The following NCOA1 variants were observed in gnomAD, a reference collection of about 807,000 sequenced individuals.
NCOA1 encodes Hin-2 protein.
In NCOA1, 35 loss-of-function variants were observed where a neutral mutation model predicts 150.9. That is an observed-to-expected ratio of 0.23 (90% confidence interval 0.18 to 0.31). NCOA1 has a LOEUF of 0.31. Ranked by LOEUF, NCOA1 falls within the 10% of genes least tolerant of loss-of-function variation. NCOA1 has a pLI of 1.00. For missense variants in NCOA1, 1,491 were observed against 1,749.3 expected, an observed-to-expected ratio of 0.85 and a Z score of 2.63; for synonymous variants, 590 against 630.0, an observed-to-expected ratio of 0.94 and a Z score of 0.95.
intron 1 of NCOA1, among the ~76,000 whole-genome samples, chr2:24,514,285 CAAAAAAAAA>C (rs57412614): frequency 9.1e-5 from 3 of 32,958 alleles, no homozygotes; most frequent in Admixed American, 3.7e-4. Context: ...GACTCTGTCT[CAAAAAAAAA>C]AAAAAAAAAA....
chr2:24,754,263 G>A (rs1296862158), intron 20 of NCOA1, among the ~76,000 whole-genome samples: 1 of 152,142 alleles, frequency 6.6e-6, no homozygotes, highest in Non-Finnish European at 1.5e-5. Flanking sequence ...ATGAGGCAGA[G>A]TATGTCCGTC....
At chr2:24,536,236 T>C (rs1269384459) in intron 1 of NCOA1, among the ~76,000 whole-genome samples, 1 of 152,358 alleles carries the variant, frequency 6.6e-6, no homozygotes. Flanking sequence ...TTCCACTTGA[T>C]TGAATCGGTT....
intron 11 of NCOA1, among the ~76,000 whole-genome samples, chr2:24,702,066 G>A (rs1274720031): frequency 1.3e-5 from 2 of 152,198 alleles, no homozygotes; most frequent in African/African-American, 4.8e-5. Context: ...ATGGTATTAA[G>A]TTTGGAAGCA....
intron 2 of NCOA1, among the ~76,000 whole-genome samples, chr2:24,583,703 A>G (rs1478642686): frequency 2.6e-5 from 4 of 152,224 alleles, no homozygotes; most frequent in Non-Finnish European, 5.9e-5. Flanking sequence ...ATGGAATACT[A>G]TTCAGCCATA....
At chr2:24,721,895 GA>G (rs1401324449) in intron 14 of NCOA1, among the ~76,000 whole-genome samples, 1 of 152,174 alleles carries the variant, frequency 6.6e-6, no homozygotes, top group Non-Finnish European at 1.5e-5. Flanking sequence ...TTGTCTTTCA[GA>G]AATTCTTCGT....
At chr2:24,738,627 C>G (rs560587093) in intron 17 of NCOA1, among the ~76,000 whole-genome samples, 10 of 152,144 alleles carry the variant, frequency 6.6e-5, no homozygotes, top group African/African-American at 2.4e-4. Flanking sequence ...ATAGTATATC[C>G]CTTCTTGGCG....
chr2:24,679,295 G>A (rs1015490850), intron 7 of NCOA1, among the ~76,000 whole-genome samples: 3 of 152,184 alleles, frequency 2.0e-5, no homozygotes, highest in Non-Finnish European at 4.4e-5. Context: ...ACACTTTGAA[G>A]TTAATTAGAT....
rs1355454801 is a variant in NCOA1, at chr2:24,741,934, G to A, written c.3454G>A (p.Val1152Ile). 1 of 1,614,206 alleles carries A rather than the reference G, an allele frequency of 6.2e-7. No homozygotes were observed. Among genetic ancestry groups the A allele is most frequent in the Non-Finnish European group, 8.5e-7 (1 of 1,180,040 alleles). Residue 1152 changes from valine (V) to isoleucine (I), a missense_variant, in exon 19 of 23, where the codon GTT (valine) becomes ATT (isoleucine). By Grantham distance (29) the Val-to-Ile change is conservative. Coordinates refer to ENST00000348332, the MANE Select transcript of NCOA1 (RefSeq NM_003743.5). ...CCTCCCTCCCTCATCTGGACTACCA[G>A]TTCAAATGGGGAACCCCCGTCTTCC... Reference protein sequence around the residue: ...NNLPPSSGLPVQMGNPRLPQG... With the variant: ...NNLPPSSGLPIQMGNPRLPQG...
intron 20 of NCOA1, among the ~76,000 whole-genome samples, chr2:24,752,408 T>C (rs1055970561): frequency 6.6e-6 from 1 of 152,236 alleles, no homozygotes; most frequent in Non-Finnish European, 1.5e-5. Context: ...TAGAAGATTA[T>C]TGGCTACTTC....
At position 24,769,552 on chromosome 2, in the gene NCOA1, A is replaced by T. The variant is rs1046280674; in HGVS notation, c.*1161A>T. On this transcript the variant is annotated 3_prime_UTR_variant, in exon 23 of 23. Coordinates refer to ENST00000348332, the MANE Select transcript of NCOA1 (RefSeq NM_003743.5). ...CCTGGGATCATCTGAACAGAAGTGC[A>T]CAGGCTACTTGTACAGAGAAAAAAT... 2 of 202,728 alleles carry T rather than the reference A, an allele frequency of 9.9e-6. No individual in the cohort carries two copies. Among genetic ancestry groups the T allele is most frequent in the Admixed American group, 6.0e-5 (1 of 16,720 alleles). 12.6% of individuals were successfully genotyped at this position (202,728 alleles called of 1,614,324 possible). A position where few individuals can be genotyped will look rare whatever the true frequency, so the allele number is the denominator to read the frequency against.
At chr2:24,594,678 A>G (rs898543950) in intron 3 of NCOA1, among the ~76,000 whole-genome samples, 1 of 152,134 alleles carries the variant, frequency 6.6e-6, no homozygotes, top group Non-Finnish European at 1.5e-5. Context: ...TGTAATTGTT[A>G]CTTCTTTCCT....
Position 24,577,567 on chromosome 2 carries a change from T to C in NCOA1, c.-259-6909T>C, listed in dbSNP as rs553373277. ...TATAATTTTGAGTCATATGGAAATG[T>C]GTAGAATTTAACTGCTTTTCTTTTT... On this transcript the variant is annotated intron_variant, in intron 2 of 22. Transcript: ENST00000348332. Among the ~76,000 whole-genome samples the C allele has an allele frequency of 2.0e-5, 3 of 152,362 alleles. No individual in the cohort carries two copies. In the South Asian group the frequency reaches 6.2e-4, roughly 32 times the overall value.
chr2:24,704,944 ACTATT>A, intron 11 of NCOA1, 137 bp from the exon 12 acceptor site: 1 of 729,504 alleles, frequency 1.4e-6, no homozygotes, highest in Non-Finnish European at 2.2e-6. Flanking sequence ...CTTTGTCTGA[ACTATT>A]CTTTATTCTG....
intron 1 of NCOA1, chr2:24,492,232 G>A (rs1279138424): frequency 6.6e-6 from 1 of 152,246 alleles, no homozygotes; most frequent in East Asian, 1.9e-4. Context: ...TCGCGGCCCG[G>A]GTTTGGTCCC....
chr2:24,521,478 A>G (rs1027276154), intron 1 of NCOA1, among the ~76,000 whole-genome samples: 2 of 152,130 alleles, frequency 1.3e-5, no homozygotes, highest in African/African-American at 4.8e-5. Flanking sequence ...ATTTAGTGAG[A>G]TCATGTAATA....
intron 1 of NCOA1, among the ~76,000 whole-genome samples, chr2:24,507,182 G>A (rs1051087712): frequency 6.6e-6 from 1 of 152,208 alleles, no homozygotes. Context: ...AAGGGAGACA[G>A]CTTTATGGAT....
At chr2:24,516,094 A>T (rs1041679049) in intron 1 of NCOA1, among the ~76,000 whole-genome samples, 14 of 151,398 alleles carry the variant, frequency 9.2e-5, no homozygotes, top group African/African-American at 3.4e-4. Context: ...GAATAGACTG[A>T]GCCTTGCTCT....
chr2:24,595,817 A>T (rs569524962), intron 3 of NCOA1, among the ~76,000 whole-genome samples: 1 of 152,258 alleles, frequency 6.6e-6, no homozygotes, highest in East Asian at 1.9e-4. Context: ...CAAAGCTTTT[A>T]TGGGCACAAT....
chr2:24,540,253 A>G (rs1279766033), intron 1 of NCOA1, among the ~76,000 whole-genome samples: 2 of 152,218 alleles, frequency 1.3e-5, no homozygotes, highest in Non-Finnish European at 2.9e-5. Flanking sequence ...AGAGTTCTAA[A>G]ATGTGTACCT....
Sources: allele counts gnomAD v4.1 joint callset (sites outside exome capture counted in the v4.1 genomes callset), GRCh38; gene constraint gnomAD v4.1.1; transcripts MANE v1.5; gene names NCBI Gene and HGNC (gene_info 2026-07-23, HGNC 2026-07-21).